Variants in GABRB1 observed in about 807,000 individuals in gnomAD.
GABRB1 encodes gamma-aminobutyric acid type A receptor subunit beta1.
In GABRB1, 17 loss-of-function variants were observed where a neutral mutation model predicts 51.6. That is an observed-to-expected ratio of 0.33 (90% confidence interval 0.23 to 0.49). GABRB1 has a LOEUF of 0.49. Among genes scored for constraint, GABRB1 ranks in the 20% least tolerant of loss-of-function variants. The pLI, the probability that GABRB1 is intolerant of heterozygous loss-of-function variation, is 0.99. For missense variants in GABRB1, 410 were observed against 600.6 expected (o/e 0.68, Z 3.32); for synonymous variants, 247 against 218.9 (o/e 1.13, Z -1.14).
At chr4:47,369,158 G>A (rs996695256) in intron 5 of GABRB1, among the ~76,000 whole-genome samples, 9 of 152,186 alleles carry the variant, frequency 5.9e-5, no homozygotes, top group Admixed American at 5.2e-4. Flanking sequence ...AAACAAAATT[G>A]ACTAACTCTT....
At chr4:47,395,263 C>A (rs1728142259) in intron 5 of GABRB1, among the ~76,000 whole-genome samples, 1 of 152,084 alleles carries the variant, frequency 6.6e-6, no homozygotes, top group African/African-American at 2.4e-5. Flanking sequence ...GGCTTGGAGG[C>A]CTCAGGAAAC....
chr4:47,330,923 T>C (rs1243304814), intron 5 of GABRB1, among the ~76,000 whole-genome samples: 5 of 152,210 alleles, frequency 3.3e-5, no homozygotes, highest in African/African-American at 1.2e-4. Flanking sequence ...TATTGCTGCC[T>C]GCCAAATCAT....
intron 5 of GABRB1, among the ~76,000 whole-genome samples, chr4:47,334,540 C>T (rs1437891097): frequency 6.6e-6 from 1 of 152,076 alleles, no homozygotes; most frequent in Non-Finnish European, 1.5e-5. Flanking sequence ...ATTAATACTC[C>T]TAAACCCGCA....
At chr4:47,073,303 G>A (rs1173852972) in intron 3 of GABRB1, among the ~76,000 whole-genome samples, 1 of 152,174 alleles carries the variant, frequency 6.6e-6, no homozygotes, top group Non-Finnish European at 1.5e-5. Flanking sequence ...TCTTGTAACA[G>A]GCATATTAAG....
intron 5 of GABRB1, among the ~76,000 whole-genome samples, chr4:47,389,629 T>C (rs1306121113): frequency 1.3e-5 from 2 of 152,216 alleles, no homozygotes; most frequent in Non-Finnish European, 2.9e-5. Context: ...ATTTGCTGCT[T>C]CTTGGGGTGT....
At chr4:47,140,485 T>A (rs1428330133) in intron 3 of GABRB1, among the ~76,000 whole-genome samples, 6 of 151,960 alleles carry the variant, frequency 3.9e-5, no homozygotes, top group African/African-American at 1.4e-4. Flanking sequence ...CCTAAACACT[T>A]TTTTTGTATC....
At chr4:47,133,234 G>T (rs946722122) in intron 3 of GABRB1, among the ~76,000 whole-genome samples, 1 of 152,190 alleles carries the variant, frequency 6.6e-6, no homozygotes, top group African/African-American at 2.4e-5. Flanking sequence ...TTGACTCAGT[G>T]AATGGATGAT....
intron 3 of GABRB1, among the ~76,000 whole-genome samples, chr4:47,068,352 T>C (rs1318732428): frequency 6.6e-6 from 1 of 152,222 alleles, no homozygotes; most frequent in Non-Finnish European, 1.5e-5. Flanking sequence ...TTCAAGAACT[T>C]TTCTTGTGCA....
chr4:47,009,723 A>T (rs1724533544), intron 1 of GABRB1, among the ~76,000 whole-genome samples: 1 of 152,202 alleles, frequency 6.6e-6, no homozygotes. Context: ...GAGGTGATTT[A>T]AGTTGGGGGG....
At chr4:47,334,340 A>C (rs1230334336) in intron 5 of GABRB1, among the ~76,000 whole-genome samples, 1 of 152,134 alleles carries the variant, frequency 6.6e-6, no homozygotes, top group African/African-American at 2.4e-5. Flanking sequence ...ATGTGATTTA[A>C]ATGGTTAGCT....
chr4:47,317,914 T>C (rs1393059491), intron 4 of GABRB1, among the ~76,000 whole-genome samples: 1 of 151,990 alleles, frequency 6.6e-6, no homozygotes, highest in Non-Finnish European at 1.5e-5. Context: ...TTGGTCATTG[T>C]ACATAATCCT....
chr4:47,036,367 C>T (rs762909228), intron 3 of GABRB1, among the ~76,000 whole-genome samples: 36 of 152,102 alleles, frequency 2.4e-4, no homozygotes, highest in Non-Finnish European at 2.6e-4. Flanking sequence ...TTCCCAGTCC[C>T]CACATGAATT....
At chr4:47,104,041 C>A (rs116594370) in intron 3 of GABRB1, among the ~76,000 whole-genome samples, 2,263 of 151,910 alleles carry the variant, frequency 0.015, 49 homozygotes, top group African/African-American at 0.052. Flanking sequence ...GTATCAGATT[C>A]TGCATGAAGA....
At chr4:47,225,038 G>T (rs1056372789) in intron 4 of GABRB1, among the ~76,000 whole-genome samples, 3 of 152,082 alleles carry the variant, frequency 2.0e-5, no homozygotes, top group African/African-American at 7.2e-5. Flanking sequence ...GGGATTACAG[G>T]CATGCACCAC....
intron 1 of GABRB1, among the ~76,000 whole-genome samples, chr4:46,998,956 G>C (rs10018603): frequency 1.3e-5 from 2 of 151,966 alleles, no homozygotes; most frequent in African/African-American, 2.4e-5. Flanking sequence ...GTGTGTGATC[G>C]TGTGTAATTA....
In GABRB1 at chr4:47,425,824, C is replaced by A. The variant is rs536552539; in HGVS notation, c.1231C>A (p.Arg411Ser). ...CCAGTACCGCAAGCCCCTGAGCAGC[C>A]GCGAGGCCTACGGGCGCGCCCTGGA... is the stretch of plus-strand genomic sequence containing the variant. ...SIQYRKPLSS[R>S]EAYGRALDRH... is the part of the protein sequence containing the mutation. Residue 411 changes from arginine to serine, a missense_variant, in exon 9 of 9, where the codon CGC becomes AGC. Physicochemically the swap from Arg to Ser is moderately radical, Grantham distance 110. Around this residue, in one of 5 missense-constraint regions of GABRB1, gnomAD observed 181 missense variants for 195.6 expected, o/e 0.93. Coordinates refer to ENST00000295454, the MANE Select transcript of GABRB1 (RefSeq NM_000812.4). 147 of 1,613,988 alleles carry A rather than the reference C, an allele frequency of 9.1e-5. No individual in the cohort carries two copies. Among genetic ancestry groups the A allele is most frequent in the Non-Finnish European group, 1.2e-4 (141 of 1,180,020 alleles).
chr4:47,071,971 A>G (rs555049418), intron 3 of GABRB1, among the ~76,000 whole-genome samples: 5 of 152,112 alleles, frequency 3.3e-5, no homozygotes, highest in Non-Finnish European at 5.9e-5. Context: ...ATGTGATTGT[A>G]AATTTCCTTA....
Position 47,318,430 on chromosome 4 carries a change from A to G in GABRB1, c.462-1697A>G, listed in dbSNP as rs556318969. Among the ~76,000 whole-genome samples the G allele has an allele frequency of 2.6e-5, 4 of 151,892 alleles. No individual in the cohort carries two copies. In the East Asian group the frequency reaches 5.8e-4, roughly 22 times the overall value. On this transcript the variant is annotated intron_variant, in intron 4 of 8. Transcript: ENST00000295454. ...CTCTCTTGCTGCAGCAAAATACAACATCATCATCATCATCATCAACAACAA... is the reference window on the plus strand; with the variant it reads ...CTCTCTTGCTGCAGCAAAATACAACGTCATCATCATCATCATCAACAACAA...
chr4:47,393,723 C>A (rs1485094837), intron 5 of GABRB1, among the ~76,000 whole-genome samples: 1 of 152,120 alleles, frequency 6.6e-6, no homozygotes, highest in Non-Finnish European at 1.5e-5. Context: ...CTTCTTCTGC[C>A]AGGCAGGCCT....
Sources: gnomAD v4.1 joint callset for allele counts (sites outside exome capture counted in the v4.1 genomes callset) on GRCh38, gnomAD v4.1.1 for gene constraint, gnomAD v4.1.1 regional missense constraint, MANE v1.5 for transcripts, NCBI Gene and HGNC (gene_info 2026-07-23, HGNC 2026-07-21) for gene names.